Variants in FBLN7 observed in about 807,000 individuals in gnomAD.
The protein encoded by FBLN7 is fibulin-7.
In FBLN7, 31 loss-of-function variants were observed where a neutral mutation model predicts 44.0. That is an observed-to-expected ratio of 0.70 (90% CI 0.53 to 0.95). The LOEUF is 0.95. Among genes scored for constraint, FBLN7 ranks in the 40% least tolerant of loss-of-function variants. FBLN7 has a pLI of 0.00. For missense variants in FBLN7, 573 were observed against 618.5 expected (o/e 0.93, Z 0.78); for synonymous variants, 262 against 253.4 (o/e 1.03, Z -0.32).
At chr2:112,227,771 A>G in the FBLN7 span, among the ~76,000 whole-genome samples, 76 of 152,368 alleles carry the variant, frequency 5.0e-4, no homozygotes, top group African/African-American at 1.8e-3. Context: ...AAAAGTGTAC[A>G]CTGTACACTT....
chr2:112,190,354 T>C (rs1683446807), downstream of FBLN7: 1 of 152,226 alleles, frequency 6.6e-6, no homozygotes, highest in African/African-American at 2.4e-5. Flanking sequence ...TCTTTGTTTA[T>C]TAGCTGACAT....
At chr2:112,160,676 GCAGACGCACGCACA>G (rs1681726652) in intron 2 of FBLN7, among the ~76,000 whole-genome samples, 1 of 122,896 alleles carries the variant, frequency 8.1e-6, no homozygotes, top group Non-Finnish European at 1.7e-5. Flanking sequence ...ACACGCACAC[GCAGACGCACGCACA>G]CGCACACACG....
At chr2:112,242,799 TTC>T in the FBLN7 span, among the ~76,000 whole-genome samples, 1 of 152,230 alleles carries the variant, frequency 6.6e-6, no homozygotes, top group Non-Finnish European at 1.5e-5. Context: ...ATTAAAATTA[TTC>T]TTTTTTAAAA....
In FBLN7 at chr2:112,165,172, G is replaced by A; in HGVS notation, c.406+1G>A. 6.2e-7 allele frequency: 1 copy of A among 1,613,810 alleles called. No individual in the cohort carries two copies. The highest frequency in any genetic ancestry group is 1.1e-5 in the South Asian group (1 of 91,050). On this transcript the variant is annotated splice_donor_variant, in intron 3 of 7. Transcript: ENST00000331203. LOFTEE classifies it high-confidence loss of function. ...ACAGGGGAGCAGCCCCACTGTAGAGGTATCGTCTCTCCTTCCCATCCCACT... is the reference window on the plus strand; with the variant it reads ...ACAGGGGAGCAGCCCCACTGTAGAGATATCGTCTCTCCTTCCCATCCCACT...
At chr2:112,234,078 A>G in the FBLN7 span, 1 of 1,099,634 alleles carries the variant, frequency 9.1e-7, no homozygotes, top group African/African-American at 1.6e-5. Flanking sequence ...CAGAAAGAGC[A>G]GTTTTACATT....
chr2:112,160,738 G>GCACACGCGCA (rs1681759013), intron 2 of FBLN7, among the ~76,000 whole-genome samples: 3 of 135,258 alleles, frequency 2.2e-5, no homozygotes, highest in Admixed American at 7.4e-5. Context: ...GCACGCACAC[G>GCACACGCGCA]CACACACGCG....
At position 112,138,700 on chromosome 2, in the gene FBLN7, C is replaced by A. The variant is rs1340437409; in HGVS notation, c.45C>A (p.Ile15=). 2 of 1,613,536 alleles carry A rather than the reference C, an allele frequency of 1.2e-6. No homozygotes were observed. Among genetic ancestry groups the A allele is most frequent in the Admixed American group, 1.7e-5 (1 of 60,016 alleles). ...SPRALFLLLL[I]LACPEPRASQ... ...GCGCGCTCTTCCTTCTGCTCCTGAT[C>A]CTCGCCTGCCCCGAGCCGCGGGCTT... The change falls in exon 1 of 8, where the codon ATC becomes ATA. Residue 15 remains isoleucine (I), a synonymous_variant. Transcript: ENST00000331203.
At chr2:112,231,088 G>A in the FBLN7 span, 1 of 508,752 alleles carries the variant, frequency 2.0e-6, no homozygotes, top group Non-Finnish European at 2.8e-6. Context: ...TACTACTACA[G>A]GAACTGAAAA....
At position 112,138,710 on chromosome 2, in the gene FBLN7, C is replaced by T; in HGVS notation, c.55C>T (p.Pro19Ser). The change falls in exon 1 of 8, where the codon CCC becomes TCC. Residue 19 changes from proline (P) to serine (S), a missense_variant. Coordinates refer to ENST00000331203, the MANE Select transcript of FBLN7 (RefSeq NM_153214.3). ...LFLLLLILAC[P>S]EPRASQNCLS... Reference sequence around the variant, plus strand: ...CCTTCTGCTCCTGATCCTCGCCTGCCCCGAGCCGCGGGCTTCCCAGGTCAG... The same window carrying T: ...CCTTCTGCTCCTGATCCTCGCCTGCTCCGAGCCGCGGGCTTCCCAGGTCAG... 1.9e-6 allele frequency: 3 copies of T among 1,613,234 alleles called. No homozygotes were observed. Among genetic ancestry groups the T allele is most frequent in the South Asian group, 2.2e-5 (2 of 91,044 alleles).
the FBLN7 span, chr2:112,232,006 T>A: frequency 9.6e-7 from 1 of 1,040,170 alleles, no homozygotes; most frequent in Non-Finnish European, 1.4e-6. Flanking sequence ...TGTTATTAAC[T>A]TAATGACTTT....
chr2:112,195,742 G>C, the FBLN7 span, among the ~76,000 whole-genome samples: 1 of 152,226 alleles, frequency 6.6e-6, no homozygotes, highest in Non-Finnish European at 1.5e-5. Context: ...CTACAGACCT[G>C]ACCTGCTGGC....
chr2:112,185,370 C>T (rs768996958), intron 7 of FBLN7, 31 bp downstream of exon 7: 13 of 1,600,286 alleles, frequency 8.1e-6, no homozygotes, highest in Admixed American at 3.4e-5. Context: ...CACACCCTCA[C>T]CCAGGCCTCC....
At chr2:112,167,895 G>GTTATGTTATGTTATC (rs1558885314) in intron 3 of FBLN7, among the ~76,000 whole-genome samples, 35 of 151,528 alleles carry the variant, frequency 2.3e-4, no homozygotes, top group Admixed American at 4.0e-4. Flanking sequence ...GTTATGTTAT[G>GTTATGTTATGTTATC]TTATGTTATG....
chr2:112,205,419 T>C, the FBLN7 span, among the ~76,000 whole-genome samples: 1 of 151,708 alleles, frequency 6.6e-6, no homozygotes, highest in Non-Finnish European at 1.5e-5. Flanking sequence ...CTAAAAAAAC[T>C]ATACAAAGAG....
intron 3 of FBLN7, among the ~76,000 whole-genome samples, chr2:112,167,112 A>G (rs959115374): frequency 6.6e-6 from 1 of 152,362 alleles, no homozygotes; most frequent in African/African-American, 2.4e-5. Context: ...GCGAAAGCAC[A>G]TCTTACTTAT....
chr2:112,180,443 A>G (rs974831889), intron 4 of FBLN7, among the ~76,000 whole-genome samples: 1 of 152,204 alleles, frequency 6.6e-6, no homozygotes, highest in African/African-American at 2.4e-5. Context: ...GTGATTCCTC[A>G]AAGAGCTAAA....
intron 1 of FBLN7, among the ~76,000 whole-genome samples, chr2:112,158,728 C>T (rs543638688): frequency 3.3e-5 from 5 of 152,266 alleles, no homozygotes; most frequent in South Asian, 4.1e-4. Flanking sequence ...CATGAACCAC[C>T]GAGCCTGGCT....
intron 1 of FBLN7, among the ~76,000 whole-genome samples, chr2:112,140,919 A>C (rs1266338020): frequency 6.6e-6 from 1 of 152,238 alleles, no homozygotes; most frequent in Middle Eastern, 3.4e-3. Flanking sequence ...ATTTGTTCGA[A>C]TCTCACCGGA....
At chr2:112,208,910 C>T in the FBLN7 span, among the ~76,000 whole-genome samples, 1 of 152,148 alleles carries the variant, frequency 6.6e-6, no homozygotes, top group African/African-American at 2.4e-5. Flanking sequence ...CTGGACCTAT[C>T]TTGAATGAAT....
Sources: allele counts gnomAD v4.1 joint callset (sites outside exome capture counted in the v4.1 genomes callset), GRCh38; gene constraint gnomAD v4.1.1; transcripts MANE v1.5; gene names NCBI Gene and HGNC (gene_info 2026-07-23, HGNC 2026-07-21).